Variants in TBC1D22A observed in about 807,000 individuals in gnomAD.
TBC1D22A encodes putative GTPase activator.
TBC1D22A carries 38 observed loss-of-function variants against 60.2 expected under a neutral mutation model. The ratio of observed to expected loss-of-function variants is 0.63; its 90% confidence interval spans 0.49 to 0.83. TBC1D22A has a LOEUF of 0.83. TBC1D22A is among the 40% of genes least tolerant of loss of function. The probability of loss-of-function intolerance (pLI) is 0.00; values close to 1 mark genes in which losing one functional copy is unlikely to be tolerated. For missense variants in TBC1D22A, 628 were observed against 701.0 expected (o/e 0.90, Z 1.18); for synonymous variants, 302 against 281.7 (o/e 1.07, Z -0.72).
Position 46,912,753 on chromosome 22 carries a change from C to T in TBC1D22A, c.1015+565C>T, listed in dbSNP as rs144429270. 4.2e-3 allele frequency among the ~76,000 whole-genome samples: 643 copies of T among 152,290 alleles called. 6 individuals carry two copies. Among genetic ancestry groups the T allele is most frequent in the Middle Eastern group, 0.017 (5 of 294 alleles). On this transcript the variant is annotated intron_variant, in intron 8 of 12. Transcript: ENST00000337137. ...TGTATTTTTAGTAGAGACGGGCTTT[C>T]ACCATGTTGGCCAGGGTGGTCTCGA...
chr22:46,923,273 C>G (rs1004964527), intron 8 of TBC1D22A, among the ~76,000 whole-genome samples: 1 of 152,358 alleles, frequency 6.6e-6, no homozygotes. Flanking sequence ...ATCCTTTCTT[C>G]CCACACAGCC....
chr22:46,964,038 C>A (rs753974112), intron 8 of TBC1D22A, among the ~76,000 whole-genome samples: 21 of 152,330 alleles, frequency 1.4e-4, no homozygotes, highest in South Asian at 4.1e-4. Context: ...AACACAGCTG[C>A]CTGTTAGTGT....
At chr22:47,169,088 C>T (rs2068324429) in intron 12 of TBC1D22A, among the ~76,000 whole-genome samples, 1 of 152,202 alleles carries the variant, frequency 6.6e-6, no homozygotes, top group Non-Finnish European at 1.5e-5. Flanking sequence ...GCTGTGTGGT[C>T]CATGGGGGGA....
At chr22:47,004,681 C>T (rs549649968) in intron 10 of TBC1D22A, among the ~76,000 whole-genome samples, 1 of 146,588 alleles carries the variant, frequency 6.8e-6, no homozygotes, top group Non-Finnish European at 1.5e-5. Flanking sequence ...CACCTACACA[C>T]ATGCCTATAT....
rs1374942019 is a variant in TBC1D22A, at chr22:46,878,729, T to A, written c.708+6T>A. 4 of 1,612,884 alleles carry A rather than the reference T, an allele frequency of 2.5e-6. No homozygotes were observed. The African/African-American group carries it at 5.3e-5, about 21-fold the overall frequency. On this transcript the variant is annotated splice_donor_region_variant and intron_variant, in intron 5 of 12. Coordinates refer to ENST00000337137, the MANE Select transcript of TBC1D22A (RefSeq NM_014346.5). ...TGACGTGGAAGCTCCTCTCAGTAAG[T>A]CCCACCGCACCGCCCATCAGCGCCT...
chr22:46,894,749 C>A (rs748146759), intron 6 of TBC1D22A, 35 bp from the exon 7 acceptor site: 2 of 1,611,850 alleles, frequency 1.2e-6, no homozygotes, highest in Non-Finnish European at 1.7e-6. Flanking sequence ...TTTGTTGTGA[C>A]GTAACATAAA....
At chr22:47,119,206 C>G (rs1436119795) in intron 12 of TBC1D22A, among the ~76,000 whole-genome samples, 3 of 152,160 alleles carry the variant, frequency 2.0e-5, no homozygotes, top group African/African-American at 7.2e-5. Context: ...CAAACATTGC[C>G]AAAAGTCTTG....
At chr22:46,968,557 G>GC in intron 8 of TBC1D22A, among the ~76,000 whole-genome samples, 4 of 150,046 alleles carry the variant, frequency 2.7e-5, no homozygotes, top group Admixed American at 6.6e-5. Context: ...TCCTGAGTGG[G>GC]AGGGCGTCCT....
intron 1 of TBC1D22A, among the ~76,000 whole-genome samples, chr22:46,769,828 C>T (rs1301051101): frequency 3.9e-5 from 6 of 152,006 alleles, no homozygotes; most frequent in Non-Finnish European, 7.4e-5. Context: ...CTGAGGAGGC[C>T]GAGGCCAGAT....
intron 4 of TBC1D22A, among the ~76,000 whole-genome samples, chr22:46,852,005 C>T (rs1448530520): frequency 1.3e-5 from 2 of 152,178 alleles, no homozygotes; most frequent in Non-Finnish European, 2.9e-5. Flanking sequence ...GGAGGCTTTT[C>T]CTTGGACAAA....
chr22:46,951,964 A>C (rs1226249010), intron 8 of TBC1D22A, among the ~76,000 whole-genome samples: 1 of 152,214 alleles, frequency 6.6e-6, no homozygotes, highest in East Asian at 1.9e-4. Context: ...TGGACCAATG[A>C]TCACATTAAG....
chr22:46,995,717 G>T (rs966861424), intron 9 of TBC1D22A, among the ~76,000 whole-genome samples: 1 of 152,104 alleles, frequency 6.6e-6, no homozygotes, highest in African/African-American at 2.4e-5. Context: ...CCCGAGGGCT[G>T]ACACCCTTGC....
At chr22:46,870,720 T>C (rs537958876) in intron 4 of TBC1D22A, among the ~76,000 whole-genome samples, 1 of 152,350 alleles carries the variant, frequency 6.6e-6, no homozygotes, top group Admixed American at 6.5e-5. Flanking sequence ...GCTTGCTTGC[T>C]GTGTCATCAC....
chr22:47,167,711 G>A (rs1231666034), intron 12 of TBC1D22A, among the ~76,000 whole-genome samples: 1 of 152,182 alleles, frequency 6.6e-6, no homozygotes, highest in African/African-American at 2.4e-5. Flanking sequence ...GGCTTTGAAT[G>A]GGGGAGTGCA....
chr22:47,075,202 G>T (rs933016330), intron 11 of TBC1D22A, among the ~76,000 whole-genome samples: 1 of 136,210 alleles, frequency 7.3e-6, no homozygotes, highest in Admixed American at 8.5e-5. Flanking sequence ...CAGCCTGGGC[G>T]ACAGAGCGAG....
chr22:46,903,857 G>A lies in TBC1D22A; in HGVS notation c.901-8217G>A, dbSNP rs12157836. Among the ~76,000 whole-genome samples, 285 of 152,268 alleles carry A rather than the reference G, an allele frequency of 1.9e-3. 2 individuals carry two copies. The highest frequency in any genetic ancestry group is 6.8e-3 in the African/African-American group (281 of 41,558). ...TAGTGGTTGGGACTGAGGGGTGGTA[G>A]GAACTCCCAGCAAACCGGGAAAAGC... On this transcript the variant is annotated intron_variant, in intron 7 of 12. Coordinates refer to ENST00000337137, the MANE Select transcript of TBC1D22A (RefSeq NM_014346.5).
chr22:46,869,055 C>A (rs190597017), intron 4 of TBC1D22A, among the ~76,000 whole-genome samples: 1 of 152,324 alleles, frequency 6.6e-6, no homozygotes, highest in East Asian at 1.9e-4. Flanking sequence ...CGCCGCTCCG[C>A]TGCCTCCCAC....
At chr22:46,763,408 T>G (rs1351650414) in intron 1 of TBC1D22A, 3 of 125,174 alleles carry the variant, frequency 2.4e-5, no homozygotes, top group African/African-American at 6.4e-5. Flanking sequence ...TTTTTTTTTT[T>G]TTTTTTTTTT....
chr22:46,885,212 C>G (rs554326801), intron 5 of TBC1D22A, among the ~76,000 whole-genome samples: 217 of 152,242 alleles, frequency 1.4e-3, no homozygotes, highest in African/African-American at 3.7e-3. Flanking sequence ...TTGTGTGTAT[C>G]TGTGGGTGGC....
Sources: gnomAD v4.1 joint callset for allele counts (sites outside exome capture counted in the v4.1 genomes callset) on GRCh38, gnomAD v4.1.1 for gene constraint, MANE v1.5 for transcripts, NCBI Gene and HGNC (gene_info 2026-07-23, HGNC 2026-07-21) for gene names.